TMEM143: variants seen among roughly 807,000 people sequenced by gnomAD.
The protein encoded by TMEM143 is transmembrane protein 143.
Under a neutral mutation model 40.3 loss-of-function variants are expected in TMEM143, and 45 were observed. The ratio of observed to expected loss-of-function variants is 1.12; its 90% CI spans 0.88 to 1.43. The LOEUF is 1.43. Among genes scored for constraint, TMEM143 ranks in the 40% most tolerant of loss-of-function variants. The pLI, the probability that TMEM143 is intolerant of heterozygous loss-of-function variation, is 0.00. For missense variants in TMEM143, 620 were observed against 613.4 expected (o/e 1.01, Z -0.11); for synonymous variants, 299 against 282.7 (o/e 1.06, Z -0.58).
intron 6 of TMEM143, among the ~76,000 whole-genome samples, chr19:48,340,047 G>T (rs1411045621): frequency 6.6e-6 from 1 of 150,634 alleles, no homozygotes; most frequent in Non-Finnish European, 1.5e-5. Flanking sequence ...ACATGTAAAG[G>T]CTGGGCCTCA....
In TMEM143 at chr19:48,362,070, TTG is replaced by T. The variant is rs943489661; in HGVS notation, c.264+1219_264+1220del. Among the ~76,000 whole-genome samples the T allele has an allele frequency of 7.2e-5, 11 of 152,230 alleles. No homozygotes were observed. In the East Asian group the frequency reaches 1.3e-3, roughly 19 times the overall value. ...TGCATATATTTGTGTGTGCGTGTAT[TTG>T]TGTGTGTGCATTTGTATGTGTATAT... is the stretch of plus-strand genomic sequence containing the variant. On this transcript the variant is annotated intron_variant, in intron 2 of 7. Transcript: ENST00000293261.
intron 5 of TMEM143, 170 bp from the exon 6 acceptor site, chr19:48,342,979 C>T: frequency 2.4e-6 from 2 of 821,116 alleles, no homozygotes; most frequent in East Asian, 2.7e-5. Context: ...CACAGGGGAT[C>T]GGTTCAATCG....
chr19:48,333,436 G>A lies in TMEM143; in HGVS notation c.1166-3C>T, dbSNP rs778192924. The A allele has an allele frequency of 6.4e-7, 1 of 1,572,744 alleles. No homozygotes were observed. Among genetic ancestry groups the A allele is most frequent in the Admixed American group, 1.8e-5 (1 of 55,408 alleles). On this transcript the variant is annotated splice_region_variant and splice_polypyrimidine_tract_variant and intron_variant, in intron 7 of 7. Transcript: ENST00000293261. This position sits in a 1 kb window ranked among gnomAD's most constrained non-coding sequence, Gnocchi z 4.1. ...CGACCGGAGCCACCTGGAGGTCTCT[G>A]CAAGGGGAGAGGCAGGTGTTCTGAG...
Position 48,334,247 on chromosome 19 carries a change from C to T in TMEM143, c.976-50G>A, listed in dbSNP as rs750935775. ...GGCTCAGTTCGGGGTGCGCCCCCACCCATACACAGCCCCCGGGGTCACCCC... is the reference window on the plus strand; with the variant it reads ...GGCTCAGTTCGGGGTGCGCCCCCACTCATACACAGCCCCCGGGGTCACCCC... On this transcript the variant is annotated intron_variant, in intron 6 of 7. Transcript: ENST00000293261. The T allele has an allele frequency of 2.0e-6, 3 of 1,521,692 alleles. No homozygotes were observed. The South Asian group carries it at 3.6e-5, about 18-fold the overall frequency. The allele number at this position is 1,521,692 out of a possible 1,614,324, so 94.3% of individuals were successfully genotyped here.
chr19:48,357,985 C>CATATTGGGTA (rs1289354191), intron 3 of TMEM143, among the ~76,000 whole-genome samples: 2 of 152,040 alleles, frequency 1.3e-5, no homozygotes, highest in East Asian at 3.9e-4. Flanking sequence ...GTACACTGCT[C>CATATTGGGTA]TAGTGATGGG....
At chr19:48,342,447 G>T in intron 6 of TMEM143, 83 bp downstream of exon 6, 1 of 1,467,784 alleles carries the variant, frequency 6.8e-7, no homozygotes, top group Non-Finnish European at 9.1e-7. Context: ...CAGGAACAAT[G>T]CATGAAACAG....
intron 3 of TMEM143, among the ~76,000 whole-genome samples, chr19:48,346,113 A>T (rs1470563279): frequency 7.0e-6 from 1 of 142,444 alleles, no homozygotes; most frequent in Non-Finnish European, 1.5e-5. Context: ...TTTTTTTGAG[A>T]TGGAGTCTCG....
At chr19:48,337,012 C>T (rs1193619566) in intron 6 of TMEM143, among the ~76,000 whole-genome samples, 2 of 150,302 alleles carry the variant, frequency 1.3e-5, no homozygotes, top group Admixed American at 6.6e-5. Context: ...CAGAGCAAGA[C>T]TCAGTCTCAC....
intron 5 of TMEM143, 90 bp downstream of exon 5, chr19:48,343,231 G>A (rs1969545777): frequency 6.8e-7 from 1 of 1,473,096 alleles, no homozygotes; most frequent in Non-Finnish European, 9.0e-7. Context: ...CTGGGGCCCA[G>A]ACACCCAAAC....
In TMEM143 at chr19:48,342,673, G is replaced by A. The variant is rs551200059; in HGVS notation, c.832C>T (p.Arg278Cys). ...ACCAGCATGAGGTTGAGCAGGGCGC[G>A]CTGCAGGGTGGGCGTGCGCACCTTC... Reference protein sequence around the residue: ...ELKVRTPTLQRALLNLMLVVS... With the variant: ...ELKVRTPTLQCALLNLMLVVS... Residue 278 changes from arginine (R) to cysteine (C), a missense_variant, in exon 6 of 8, where the codon CGC (arginine) becomes TGC (cysteine). Arg to Cys is a radical substitution (Grantham distance 180). Transcript: ENST00000293261. 1.9e-5 allele frequency: 31 copies of A among 1,614,112 alleles called. No homozygotes were observed. Among genetic ancestry groups the A allele is most frequent in the South Asian group, 1.6e-4 (15 of 91,084 alleles).
rs370797607 is a variant in TMEM143 at position 48,334,107 on chromosome 19, C to G, written c.1066G>C (p.Ala356Pro). The G allele has an allele frequency of 5.0e-6, 8 of 1,600,048 alleles. No individual in the cohort carries two copies. The East Asian group carries it at 1.4e-4, about 27-fold the overall frequency. The change falls in exon 7 of 8, where the codon GCC becomes CCC. Residue 356 changes from alanine to proline, a missense_variant. Coordinates refer to ENST00000293261, the MANE Select transcript of TMEM143 (RefSeq NM_018273.4). ...STSNNSELLS[A>P]LALRAQDEHT... is the part of the protein sequence containing the mutation. ...TCGTCCTGCGCGCGCAGGGCCAGGG[C>G]GCTGAGCAGCTCCGAGTTGTTGGAC... is the stretch of plus-strand genomic sequence containing the variant.
intron 3 of TMEM143, 149 bp downstream of exon 3, chr19:48,359,923 C>T (rs904013827): frequency 5.8e-5 from 40 of 684,360 alleles, no homozygotes; most frequent in Non-Finnish European, 9.2e-5. Flanking sequence ...ATGTTGGCTC[C>T]ATGAGGGCGT....
chr19:48,350,905 G>A (rs1392833587), intron 3 of TMEM143, among the ~76,000 whole-genome samples: 2 of 107,088 alleles, frequency 1.9e-5, no homozygotes, highest in African/African-American at 7.4e-5. Flanking sequence ...CTGGGAGACA[G>A]TGAGACTACA....
chr19:48,342,727 C>T lies in TMEM143; in HGVS notation c.778G>A (p.Glu260Lys). Residue 260 changes from glutamate (E) to lysine (K), a missense_variant, in exon 6 of 8, where the codon GAA (glutamate) becomes AAA (lysine). Physicochemically the swap from Glu to Lys is moderately conservative, Grantham distance 56. Coordinates refer to ENST00000293261, the MANE Select transcript of TMEM143 (RefSeq NM_018273.4). ...VLKSFKDTPLEGLEQLLPELK... is the reference protein window; with the variant it reads ...VLKSFKDTPLKGLEQLLPELK... ...TCCGGCAGCAGCTGCTCCAGGCCTTCCAGCGGCGTGTCCTTGAAACTCTTC... is the reference window on the plus strand; with the variant it reads ...TCCGGCAGCAGCTGCTCCAGGCCTTTCAGCGGCGTGTCCTTGAAACTCTTC... The T allele has an allele frequency of 6.2e-7, 1 of 1,614,140 alleles. No individual in the cohort carries two copies. The highest frequency in any genetic ancestry group is 1.1e-5 in the South Asian group (1 of 91,066).
intron 3 of TMEM143, 66 bp downstream of exon 3, chr19:48,360,006 G>A: frequency 2.7e-6 from 4 of 1,509,306 alleles, no homozygotes; most frequent in Non-Finnish European, 3.7e-6. Context: ...AAGGTGTCAG[G>A]GAATGTTTGC....
At chr19:48,356,882 C>T (rs1969911909) in intron 3 of TMEM143, among the ~76,000 whole-genome samples, 1 of 140,282 alleles carries the variant, frequency 7.1e-6, no homozygotes, top group African/African-American at 2.7e-5. Flanking sequence ...GCGTGAGCCA[C>T]AGCACCTGGC....
Position 48,333,267 on chromosome 19 carries a change from C to T in TMEM143, c.1332G>A (p.Pro444=). 6.5e-7 allele frequency: 1 copy of T among 1,530,546 alleles called. No homozygotes were observed. The allele number at this position is 1,530,546 out of a possible 1,614,324, so 94.8% of individuals were successfully genotyped here. A position where few individuals can be genotyped will look rare whatever the true frequency, so the allele number is the denominator to read the frequency against. The change falls in exon 8 of 8, where the codon CCG becomes CCA. Residue 444 remains proline, a synonymous_variant. Transcript: ENST00000293261. The surrounding 1 kb of genome is among the most constrained non-coding windows in gnomAD (Gnocchi z 4.1). ...PGFPKLDPVA[P]ITSEPPQATP... is the part of the protein sequence containing the mutation. ...TGGCTTGCGGGGGCTCGGAAGTGAT[C>T]GGAGCCACTGGGTCTAGTTTGGGGA... is the stretch of plus-strand genomic sequence containing the variant.
At chr19:48,338,396 C>T (rs1306535563) in intron 6 of TMEM143, among the ~76,000 whole-genome samples, 1 of 152,180 alleles carries the variant, frequency 6.6e-6, no homozygotes, top group East Asian at 1.9e-4. Flanking sequence ...GTCCAAGCTC[C>T]GTGGCCCGGC....
intron 5 of TMEM143, 182 bp from the exon 6 acceptor site, chr19:48,342,991 G>A (rs1169964556): frequency 2.6e-5 from 20 of 765,644 alleles, no homozygotes; most frequent in Middle Eastern, 3.9e-4. Flanking sequence ...GTTCAATCGC[G>A]CCATCGATCC....
Sources: gnomAD v4.1 joint callset for allele counts (sites outside exome capture counted in the v4.1 genomes callset) on GRCh38, gnomAD v4.1.1 for gene constraint, Gnocchi (gnomAD v3.1) non-coding constraint, MANE v1.5 for transcripts, NCBI Gene and HGNC (gene_info 2026-07-23, HGNC 2026-07-21) for gene names.